The following MTRF1 variants were observed in gnomAD, a reference collection of about 807,000 sequenced individuals.
MTRF1 encodes mitochondrial translation release factor 1, also known as peptide chain release factor 1, mitochondrial.
A neutral mutation model predicts 62.9 loss-of-function variants in MTRF1; 51 were observed. The observed-to-expected ratio is 0.81, with a 90% confidence interval of 0.65 to 1.02. The LOEUF is 1.02. MTRF1 is among the 50% of genes least tolerant of loss of function. The pLI is 0.00. For synonymous variants in MTRF1, 158 were observed against 181.9 expected (o/e 0.87, Z 1.06); for missense variants, 446 against 530.0 (o/e 0.84, Z 1.56).
Position 41,226,584 on chromosome 13 carries a change from G to T in MTRF1, c.989-16C>A. ...ACTACTAGCCCTGAAAAATAACAGG[G>T]ATCAGAAGGTAAACTGTAGCTTCCA... On this transcript the variant is annotated splice_polypyrimidine_tract_variant and intron_variant, in intron 7 of 9. Transcript: ENST00000379480. The T allele has an allele frequency of 6.2e-7, 1 of 1,612,482 alleles. No individual in the cohort carries two copies. Among genetic ancestry groups the T allele is most frequent in the East Asian group, 2.2e-5 (1 of 44,842 alleles).
intron 8 of MTRF1, among the ~76,000 whole-genome samples, chr13:41,225,640 C>G (rs993491281): frequency 3.3e-5 from 5 of 151,294 alleles, no homozygotes; most frequent in Non-Finnish European, 5.9e-5. Context: ...CAAAATCTTC[C>G]AAATTTAAAT....
At chr13:41,243,541 CA>C (rs761058839) in intron 5 of MTRF1, among the ~76,000 whole-genome samples, 1 of 152,052 alleles carries the variant, frequency 6.6e-6, no homozygotes, top group Non-Finnish European at 1.5e-5. Context: ...AGGGAACTGG[CA>C]CAAAAATGCT....
chr13:41,292,064 C>A, the MTRF1 span, among the ~76,000 whole-genome samples: 3 of 151,602 alleles, frequency 2.0e-5, no homozygotes, highest in Non-Finnish European at 4.4e-5. Context: ...ATGCAGAGAC[C>A]AACAAAACAA....
At chr13:41,286,322 A>G in the MTRF1 span, among the ~76,000 whole-genome samples, 1 of 152,200 alleles carries the variant, frequency 6.6e-6, no homozygotes, top group Admixed American at 6.5e-5. Context: ...ATATATAGGA[A>G]GAAAGATTCT....
chr13:41,270,761 A>G, the MTRF1 span, among the ~76,000 whole-genome samples: 1 of 150,564 alleles, frequency 6.6e-6, no homozygotes, highest in Non-Finnish European at 1.5e-5. Flanking sequence ...TTTTTTTGAG[A>G]CGAAATTTCA....
At chr13:41,282,622 T>C in the MTRF1 span, among the ~76,000 whole-genome samples, 2 of 152,214 alleles carry the variant, frequency 1.3e-5, no homozygotes, top group South Asian at 2.1e-4. Context: ...GCTAGCTTCT[T>C]GAATAAAGTT....
At chr13:41,308,365 T>G in the MTRF1 span, among the ~76,000 whole-genome samples, 2 of 152,234 alleles carry the variant, frequency 1.3e-5, no homozygotes, top group Non-Finnish European at 1.5e-5. Flanking sequence ...GAGGGTCAAG[T>G]GAGGGCTTGA....
At chr13:41,275,884 G>A in the MTRF1 span, among the ~76,000 whole-genome samples, 8 of 152,112 alleles carry the variant, frequency 5.3e-5, no homozygotes, top group African/African-American at 1.4e-4. Flanking sequence ...TTAAGCAAGC[G>A]TTAATTGCAC....
chr13:41,302,572 C>G, the MTRF1 span, among the ~76,000 whole-genome samples: 1 of 150,796 alleles, frequency 6.6e-6, no homozygotes, highest in African/African-American at 2.4e-5. Context: ...CTTTGTCACC[C>G]AGGCTGGAGT....
At chr13:41,273,310 A>T in the MTRF1 span, among the ~76,000 whole-genome samples, 1 of 146,532 alleles carries the variant, frequency 6.8e-6, no homozygotes, top group Non-Finnish European at 1.5e-5. Context: ...TGGGCTACAG[A>T]GCGAGACTCC....
the MTRF1 span, among the ~76,000 whole-genome samples, chr13:41,309,341 A>AGTGTGTGTGTGTGTGT: frequency 0.013 from 1,830 of 135,636 alleles, 20 homozygotes; most frequent in Non-Finnish European, 0.018. Flanking sequence ...ATGCCCAGCT[A>AGTGTGTGTGTGTGTGT]GTGTGTGTGT....
At chr13:41,241,028 C>T (rs1318327206) in intron 5 of MTRF1, among the ~76,000 whole-genome samples, 1 of 152,132 alleles carries the variant, frequency 6.6e-6, no homozygotes, top group Non-Finnish European at 1.5e-5. Flanking sequence ...AGAATCTTAA[C>T]ACCTAGGCTA....
chr13:41,296,045 G>C, the MTRF1 span, among the ~76,000 whole-genome samples: 2 of 151,992 alleles, frequency 1.3e-5, no homozygotes, highest in East Asian at 3.9e-4. Context: ...TGAACTCTGG[G>C]GCTCAAGCAA....
At chr13:41,233,298 G>C (rs2035915238) in intron 7 of MTRF1, among the ~76,000 whole-genome samples, 1 of 152,174 alleles carries the variant, frequency 6.6e-6, no homozygotes, top group Non-Finnish European at 1.5e-5. Context: ...GAAGTAGGAA[G>C]AGGGTGGGAA....
At chr13:41,268,437 T>G (rs1190966671), upstream of MTRF1, among the ~76,000 whole-genome samples, 1 of 152,162 alleles carries the variant, frequency 6.6e-6, no homozygotes, top group African/African-American at 2.4e-5. Flanking sequence ...TAAGTCATTC[T>G]CGGGAGGCTG....
At chr13:41,251,585 C>T (rs190010331) in intron 5 of MTRF1, among the ~76,000 whole-genome samples, 2 of 152,288 alleles carry the variant, frequency 1.3e-5, no homozygotes, top group Non-Finnish European at 2.9e-5. Context: ...GGATAATCCC[C>T]TTTCCTGACC....
intron 8 of MTRF1, 114 bp from the exon 9 acceptor site, chr13:41,223,468 T>A: frequency 4.0e-6 from 3 of 753,574 alleles, no homozygotes; most frequent in East Asian, 5.1e-5. Flanking sequence ...CTAAAAGACA[T>A]ATATACAAAA....
the MTRF1 span, among the ~76,000 whole-genome samples, chr13:41,280,953 C>T: frequency 1.3e-5 from 2 of 152,012 alleles, no homozygotes; most frequent in South Asian, 2.1e-4. Context: ...CATCAGGTAG[C>T]GGAGAAAAAG....
At chr13:41,307,486 T>G in the MTRF1 span, among the ~76,000 whole-genome samples, 2 of 152,028 alleles carry the variant, frequency 1.3e-5, no homozygotes, top group Admixed American at 1.3e-4. Flanking sequence ...TAGCTGGGCA[T>G]GGCGGTGCAT....
Sources: gnomAD v4.1 joint callset for allele counts (sites outside exome capture counted in the v4.1 genomes callset) on GRCh38, gnomAD v4.1.1 for gene constraint, MANE v1.5 for transcripts, NCBI Gene and HGNC (gene_info 2026-07-23, HGNC 2026-07-21) for gene names.